NCOR1: variants seen among roughly 807,000 people sequenced by gnomAD.
NCOR1 encodes the protein nuclear receptor corepressor 1.
A neutral mutation model predicts 288.1 loss-of-function variants in NCOR1; 63 were observed. That is an observed-to-expected ratio of 0.22 (90% CI 0.18 to 0.27). The LOEUF (loss-of-function observed/expected upper bound fraction) is 0.27, where lower values mean the gene tolerates loss of function less well. Ranked by LOEUF, NCOR1 falls within the 10% of genes least tolerant of loss-of-function variation. The pLI is 1.00. For missense variants in NCOR1, 2,397 were observed against 3,019.2 expected (o/e 0.79, Z 4.83); for synonymous variants, 1,007 against 1,065.9 (o/e 0.94, Z 1.08).
chr17:16,120,189 C>T (rs1469079711), intron 16 of NCOR1, among the ~76,000 whole-genome samples: 1 of 152,052 alleles, frequency 6.6e-6, no homozygotes, highest in Admixed American at 6.5e-5. Context: ...TGAATCCATC[C>T]CCTCCTTGCT....
At position 16,192,387 on chromosome 17, in the gene NCOR1, G is replaced by A. The variant is rs191898291; in HGVS notation, c.108+2075C>T. 8.4e-4 allele frequency among the ~76,000 whole-genome samples: 128 copies of A among 152,320 alleles called. No individual in the cohort carries two copies. The East Asian group carries it at 0.021, about 25-fold the overall frequency. On this transcript the variant is annotated intron_variant, in intron 2 of 45. Coordinates refer to ENST00000268712, the MANE Select transcript of NCOR1 (RefSeq NM_006311.4). ...AAAATTAGCTGGGGCCGGGCACAGT[G>A]GCTCACGCCTGTAATCCCAGCGCTT...
intron 45 of NCOR1, 124 bp from the exon 46 acceptor site, chr17:16,032,607 A>G: frequency 1.2e-6 from 1 of 862,412 alleles, no homozygotes; most frequent in South Asian, 2.0e-5. Flanking sequence ...CATGAAAGCA[A>G]AATGAATACA....
chr17:16,119,488 A>G lies in NCOR1; in HGVS notation c.1853-3T>C, dbSNP rs770161138. 1.3e-6 allele frequency: 2 copies of G among 1,593,936 alleles called. No individual in the cohort carries two copies. Among genetic ancestry groups the G allele is most frequent in the East Asian group, 4.5e-5 (2 of 44,650 alleles). ...GGTCTCCACAGGCTCTGTAGAAACT[A>G]AAATAAAGAGAGAACCCAATCAGGC... On this transcript the variant is annotated splice_region_variant and splice_polypyrimidine_tract_variant and intron_variant, in intron 16 of 45. Transcript: ENST00000268712.
chr17:16,101,502 G>A lies in NCOR1; in HGVS notation c.2438C>T (p.Pro813Leu). 6.2e-7 allele frequency: 1 copy of A among 1,614,172 alleles called. No homozygotes were observed. The highest frequency in any genetic ancestry group is 8.5e-7 in the Non-Finnish European group (1 of 1,180,042). The change falls in exon 20 of 46, where the codon CCC (proline) becomes CTC (leucine). Residue 813 changes from proline to leucine, a missense_variant. Physicochemically the swap from Pro to Leu is moderately conservative, Grantham distance 98. Transcript: ENST00000268712. Reference protein sequence around the residue: ...HSAEEGSVCDPPPATKADSVD... With the variant: ...HSAEEGSVCDLPPATKADSVD... ...AGAGTCAGCTTTGGTAGCGGGTGGG[G>A]GATCACAAACAGAACCCTCTTCAGC...
At position 16,072,237 on chromosome 17, in the gene NCOR1, A is replaced by G. The variant is rs1378541755; in HGVS notation, c.3812-9T>C. Reference sequence around the variant, plus strand: ...TGCTCGGCATATCAGCCCTTCCAAAACAAGAAAGCAATTCAATTATTCAAC... The same window carrying G: ...TGCTCGGCATATCAGCCCTTCCAAAGCAAGAAAGCAATTCAATTATTCAAC... On this transcript the variant is annotated splice_polypyrimidine_tract_variant and intron_variant, in intron 28 of 45. Coordinates refer to ENST00000268712, the MANE Select transcript of NCOR1 (RefSeq NM_006311.4). 6.2e-7 allele frequency: 1 copy of G among 1,600,448 alleles called. No homozygotes were observed. The highest frequency in any genetic ancestry group is 1.1e-5 in the South Asian group (1 of 89,658).
chr17:16,152,077 T>C, intron 7 of NCOR1, 79 bp from the exon 8 acceptor site: 1 of 956,250 alleles, frequency 1.0e-6, no homozygotes, highest in Non-Finnish European at 1.6e-6. Context: ...AATTTTAATG[T>C]AAGCACAGGT....
intron 4 of NCOR1, among the ~76,000 whole-genome samples, chr17:16,170,027 G>A (rs1388372146): frequency 2.0e-5 from 3 of 151,526 alleles, no homozygotes; most frequent in Non-Finnish European, 4.4e-5. Flanking sequence ...TTACTTAAAA[G>A]TTGAAGGAAC....
At chr17:16,138,812 A>C (rs1280373089) in intron 12 of NCOR1, among the ~76,000 whole-genome samples, 196 bp downstream of exon 12, 1 of 152,178 alleles carries the variant, frequency 6.6e-6, no homozygotes. Context: ...CCATAACCCC[A>C]GTTCTTATCT....
chr17:16,173,621 C>T (rs917045922), intron 3 of NCOR1, among the ~76,000 whole-genome samples: 4 of 151,944 alleles, frequency 2.6e-5, no homozygotes, highest in African/African-American at 7.2e-5. Flanking sequence ...ACAATCCAAA[C>T]ATGAAACTTA....
intron 22 of NCOR1, chr17:16,087,154 C>G (rs1347031636): frequency 7.7e-7 from 1 of 1,302,430 alleles, no homozygotes; most frequent in South Asian, 1.2e-5. Context: ...AGCCACTGCA[C>G]AGAGGAGTGA....
chr17:16,204,506 A>G (rs1292161552), intron 1 of NCOR1, among the ~76,000 whole-genome samples: 1 of 152,220 alleles, frequency 6.6e-6, no homozygotes, highest in Admixed American at 6.5e-5. Context: ...TATGACAACC[A>G]ATGTTTCCAA....
In NCOR1 at chr17:16,092,019, C is replaced by A. The variant is rs768431009; in HGVS notation, c.2860G>T (p.Val954Leu). 1 of 1,614,156 alleles carries A rather than the reference C, an allele frequency of 6.2e-7. No individual in the cohort carries two copies. Among genetic ancestry groups the A allele is most frequent in the Non-Finnish European group, 8.5e-7 (1 of 1,180,050 alleles). ...CGCTGGTAGAGAGCATAGCCGCTCA[C>A]TGGGGTTCCAATTGGTATGTTACAT... ...TPCNIPIGTPVSGYALYQRHI... is the reference protein window; with the variant it reads ...TPCNIPIGTPLSGYALYQRHI... The change falls in exon 22 of 46, where the codon GTG becomes TTG. Residue 954 changes from valine to leucine, a missense_variant. By Grantham distance (32) the Val-to-Leu change is conservative (BLOSUM62 1). Transcript: ENST00000268712.
In NCOR1 at chr17:16,048,973, G is replaced by A. The variant is rs747146455; in HGVS notation, c.6408C>T (p.Ser2136=). The A allele has an allele frequency of 8.1e-6, 13 of 1,609,110 alleles. No individual in the cohort carries two copies. Among genetic ancestry groups the A allele is most frequent in the African/African-American group, 5.4e-5 (4 of 74,734 alleles). The change falls in exon 41 of 46, where the codon TCC becomes TCT. Residue 2136 remains serine (S), a synonymous_variant. Coordinates refer to ENST00000268712, the MANE Select transcript of NCOR1 (RefSeq NM_006311.4). ...DKSRGSRPGK[S]PERSHVSSEP... is the part of the protein sequence containing the mutation. ...CCGAAGAGACGTGACTCCTCTCTGG[G>A]GATTTTCCAGGCCTACTATTGTAAT...
Position 16,172,504 on chromosome 17 carries a change from G to A in NCOR1, c.243-509C>T, listed in dbSNP as rs917913630. Among the ~76,000 whole-genome samples, 3 of 151,988 alleles carry A rather than the reference G, an allele frequency of 2.0e-5. No homozygotes were observed. The South Asian group carries it at 6.2e-4, about 32-fold the overall frequency. On this transcript the variant is annotated intron_variant, in intron 3 of 45. Transcript: ENST00000268712. The stretch of plus-strand genomic sequence containing the variant: ...AAAATGCCATAATAATTAAATTTGG[G>A]ATAATATAAACCAGAAGAGCCACCA...
At chr17:16,112,841 T>C (rs1334885335) in intron 18 of NCOR1, among the ~76,000 whole-genome samples, 1 of 152,172 alleles carries the variant, frequency 6.6e-6, no homozygotes, top group Non-Finnish European at 1.5e-5. Flanking sequence ...ACACTTACTA[T>C]ATCAGAAACT....
Position 16,160,798 on chromosome 17 carries a change from A to C in NCOR1, c.619-1925T>G, listed in dbSNP as rs551169601. On this transcript the variant is annotated intron_variant, in intron 5 of 45. Coordinates refer to ENST00000268712, the MANE Select transcript of NCOR1 (RefSeq NM_006311.4). ...CAGGGGGAGACTCCATCTCAAAAAAACTAAATAAATAAGAGTGACAGTCAA... is the reference window on the plus strand; with the variant it reads ...CAGGGGGAGACTCCATCTCAAAAAACCTAAATAAATAAGAGTGACAGTCAA... Among the ~76,000 whole-genome samples, 13 of 152,312 alleles carry C rather than the reference A, an allele frequency of 8.5e-5. No homozygotes were observed. In the East Asian group the frequency reaches 2.5e-3, roughly 29 times the overall value.
intron 10 of NCOR1, among the ~76,000 whole-genome samples, chr17:16,145,855 G>T (rs532387298): frequency 2.7e-5 from 4 of 150,078 alleles, no homozygotes; most frequent in Admixed American, 6.6e-5. Flanking sequence ...CGACTAGAGA[G>T]GGGGGGAAAT....
intron 1 of NCOR1, among the ~76,000 whole-genome samples, chr17:16,213,382 A>C (rs2092308560): frequency 6.8e-6 from 1 of 147,678 alleles, no homozygotes; most frequent in South Asian, 2.1e-4. Context: ...AGTCCCAGCT[A>C]CTCGGGAGGC....
intron 26 of NCOR1, among the ~76,000 whole-genome samples, chr17:16,078,084 T>C (rs2062823726): frequency 6.6e-6 from 1 of 152,212 alleles, no homozygotes; most frequent in African/African-American, 2.4e-5. Flanking sequence ...TGATTCTTTT[T>C]ACCCTTCCTT....
Sources: gnomAD v4.1 joint callset for allele counts (sites outside exome capture counted in the v4.1 genomes callset) on GRCh38, gnomAD v4.1.1 for gene constraint, MANE v1.5 for transcripts, NCBI Gene and HGNC (gene_info 2026-07-23, HGNC 2026-07-21) for gene names.